Variants in KIF13A observed in about 807,000 individuals in gnomAD.
KIF13A encodes the protein kinesin family member 13A, also known as kinesin-like protein KIF13A.
KIF13A carries 79 observed loss-of-function variants against 212.2 expected under a neutral mutation model. That is an observed-to-expected ratio of 0.37 (90% CI 0.31 to 0.45). The LOEUF (loss-of-function observed/expected upper bound fraction) is 0.45. Ranked by LOEUF, KIF13A falls within the 20% of genes least tolerant of loss-of-function variation. KIF13A has a pLI of 1.00. For missense variants in KIF13A, 1,901 were observed against 2,209.0 expected, an observed-to-expected ratio of 0.86 and a Z score of 2.79; for synonymous variants, 789 against 808.6, an observed-to-expected ratio of 0.98 and a Z score of 0.41.
intron 34 of KIF13A, among the ~76,000 whole-genome samples, chr6:17,775,871 A>C (rs991329147): frequency 6.6e-6 from 1 of 151,796 alleles, no homozygotes. Flanking sequence ...AGATTACTTC[A>C]TAAGCAGTTT....
chr6:17,972,578 T>C (rs911748482), intron 2 of KIF13A, among the ~76,000 whole-genome samples: 7 of 152,330 alleles, frequency 4.6e-5, no homozygotes, highest in African/African-American at 9.6e-5. Context: ...TGTGGATTTA[T>C]TGAATGTGGC....
At chr6:17,923,059 C>T (rs1331739957) in intron 2 of KIF13A, among the ~76,000 whole-genome samples, 1 of 151,856 alleles carries the variant, frequency 6.6e-6, no homozygotes, top group Non-Finnish European at 1.5e-5. Context: ...ATCACTTGAG[C>T]TCAGAAGTTC....
chr6:17,792,935 C>T (rs557632203), intron 25 of KIF13A, among the ~76,000 whole-genome samples: 6 of 152,142 alleles, frequency 3.9e-5, no homozygotes, highest in Admixed American at 3.3e-4. Context: ...CTCCTCGGCA[C>T]GATAGGGAGA....
chr6:17,814,116 C>A (rs566610649), intron 17 of KIF13A, among the ~76,000 whole-genome samples: 1 of 151,932 alleles, frequency 6.6e-6, no homozygotes, highest in Admixed American at 6.6e-5. Flanking sequence ...CCACGCCCGG[C>A]TAATTTTTGT....
chr6:17,913,479 A>T (rs1774250599), intron 2 of KIF13A, among the ~76,000 whole-genome samples: 1 of 152,192 alleles, frequency 6.6e-6, no homozygotes, highest in Non-Finnish European at 1.5e-5. Flanking sequence ...CAAAAAGTGC[A>T]AAATGGAAGA....
intron 9 of KIF13A, among the ~76,000 whole-genome samples, chr6:17,847,311 T>C (rs922857372): frequency 4.7e-4 from 72 of 152,142 alleles, no homozygotes; most frequent in African/African-American, 1.6e-3. Context: ...CATTTTGGCA[T>C]GCAGGGCTGC....
rs949175452 is a variant in KIF13A at position 17,871,032 on chromosome 6, A to G, written c.220+2345T>C. Among the ~76,000 whole-genome samples the G allele has an allele frequency of 6.6e-6, 1 of 152,250 alleles. No homozygotes were observed. The highest frequency in any genetic ancestry group is 1.5e-5 in the Non-Finnish European group (1 of 68,046). The stretch of plus-strand genomic sequence containing the variant: ...AACCAAGGCAGAGGTCCTGAAATTC[A>G]AACACAGGTCTCACGTCAAAATCCA... On this transcript the variant is annotated intron_variant, in intron 4 of 38. Transcript: ENST00000259711. The surrounding 1 kb of genome is among the most constrained non-coding windows in gnomAD (Gnocchi z 4.4).
At chr6:17,954,598 C>T (rs1034808880) in intron 2 of KIF13A, among the ~76,000 whole-genome samples, 4 of 152,112 alleles carry the variant, frequency 2.6e-5, no homozygotes, top group African/African-American at 9.7e-5. Context: ...AATATTATAT[C>T]TTCCTTTATA....
At chr6:17,940,270 A>G (rs1298458579) in intron 2 of KIF13A, among the ~76,000 whole-genome samples, 1 of 151,974 alleles carries the variant, frequency 6.6e-6, no homozygotes, top group African/African-American at 2.4e-5. Context: ...ATGTATACGG[A>G]TGCTTCAGGA....
chr6:17,763,974 CGACA>C lies in KIF13A; in HGVS notation c.*132_*135del. ...TAGTTCCCAAAACAGACTTGCTCTC[CGACA>C]GAGACAGCTGTGCAGGAAGTGAGCC... On this transcript the variant is annotated 3_prime_UTR_variant, in exon 39 of 39. Coordinates refer to ENST00000259711, the MANE Select transcript of KIF13A (RefSeq NM_022113.6). 3 of 1,445,698 alleles carry C rather than the reference CGACA, an allele frequency of 2.1e-6. No homozygotes were observed. Among genetic ancestry groups the C allele is most frequent in the Non-Finnish European group, 2.7e-6 (3 of 1,099,964 alleles). The allele number at this position is 1,445,698 out of a possible 1,614,324, so 89.6% of individuals were successfully genotyped here.
At position 17,764,175 on chromosome 6, in the gene KIF13A, A is replaced by G. The variant is rs1481110315; in HGVS notation, c.5353T>C (p.Ser1785Pro). Residue 1785 changes from serine to proline, a missense_variant, in exon 39 of 39, where the codon TCC becomes CCC. Coordinates refer to ENST00000259711, the MANE Select transcript of KIF13A (RefSeq NM_022113.6). This position sits in a 1 kb window ranked among gnomAD's most constrained non-coding sequence, Gnocchi z 5.1. ...ATTACCTGGTCATTCTCTAACTTGG[A>G]ATGCAGCTGGCTGGGGTGGTGGAGC... Reference protein sequence around the residue: ...DGLHHPSQLHSKLENDQVIIP... With the variant: ...DGLHHPSQLHPKLENDQVIIP... 1.9e-6 allele frequency: 3 copies of G among 1,613,916 alleles called. No homozygotes were observed. The highest frequency in any genetic ancestry group is 2.7e-5 in the African/African-American group (2 of 74,936).
chr6:17,894,566 T>A (rs369326670), intron 3 of KIF13A, among the ~76,000 whole-genome samples: 203 of 152,288 alleles, frequency 1.3e-3, no homozygotes, highest in African/African-American at 4.6e-3. Flanking sequence ...AGAGTTCCTA[T>A]ATAGTCTCGC....
chr6:17,873,322 C>T (rs1770188881), intron 4 of KIF13A, 55 bp downstream of exon 4: 2 of 1,188,300 alleles, frequency 1.7e-6, no homozygotes, highest in Admixed American at 2.3e-5. Context: ...AAAATAAACT[C>T]AATGGAAGAA....
chr6:17,760,492 C>T (rs1758538425), downstream of KIF13A: 2 of 222,992 alleles, frequency 9.0e-6, no homozygotes, highest in East Asian at 2.0e-4. Flanking sequence ...CCAGATTCTA[C>T]AGTAAGAACT....
intron 3 of KIF13A, among the ~76,000 whole-genome samples, chr6:17,880,342 T>C (rs986669233): frequency 6.6e-6 from 1 of 152,022 alleles, no homozygotes; most frequent in African/African-American, 2.4e-5. Context: ...AGACTTCTAA[T>C]TGGGCCAGGC....
In KIF13A at chr6:17,778,845, C is replaced by T; in HGVS notation, c.4092+102G>A. On this transcript the variant is annotated intron_variant, in intron 33 of 38. Coordinates refer to ENST00000259711, the MANE Select transcript of KIF13A (RefSeq NM_022113.6). ...AATAGAGATGGCTCAAGTGCTCCTT[C>T]TCTGATAGATTTAGTGAGGTGTTTG... The T allele has an allele frequency of 2.9e-6, 4 of 1,357,566 alleles. No individual in the cohort carries two copies. The South Asian group carries it at 5.0e-5, about 17-fold the overall frequency. 84.1% of individuals were successfully genotyped at this position (1,357,566 alleles called of 1,614,324 possible).
In KIF13A at chr6:17,828,132, CATGTATCCTTAACTTTAAT is replaced by C; in HGVS notation, c.1532+89_1532+107del. 1 of 1,094,494 alleles carries C rather than the reference CATGTATCCTTAACTTTAAT, an allele frequency of 9.1e-7. No homozygotes were observed. The highest frequency in any genetic ancestry group is 2.7e-5 in the Admixed American group (1 of 36,492). The allele number at this position is 1,094,494 out of a possible 1,614,324, so 67.8% of individuals were successfully genotyped here. A position where few individuals can be genotyped will look rare whatever the true frequency, so the allele number is the denominator to read the frequency against. ...AAAGCAAGGGCCCCCTGAGGACCCCCATGTATCCTTAACTTTAATATAGCTGAAAGCAAACAGAAAGAGG... is the reference window on the plus strand; with the variant it reads ...AAAGCAAGGGCCCCCTGAGGACCCCCATAGCTGAAAGCAAACAGAAAGAGG... On this transcript the variant is annotated intron_variant, in intron 14 of 38. Coordinates refer to ENST00000259711, the MANE Select transcript of KIF13A (RefSeq NM_022113.6). This position sits in a 1 kb window ranked among gnomAD's most constrained non-coding sequence, Gnocchi z 4.3.
chr6:17,809,055 C>T lies in KIF13A; in HGVS notation c.2001-125G>A, dbSNP rs1344951331. 4.6e-6 allele frequency: 4 copies of T among 865,994 alleles called. No homozygotes were observed. Among genetic ancestry groups the T allele is most frequent in the African/African-American group, 1.7e-5 (1 of 58,196 alleles). The allele number at this position is 865,994 out of a possible 1,614,324, so 53.6% of individuals were successfully genotyped here. A position where few individuals can be genotyped will look rare whatever the true frequency, so the allele number is the denominator to read the frequency against. ...GGGCAGTATTTTTCAAACTATTTTA[C>T]CAGACTACCTCTCATCCTTCCCTCC... On this transcript the variant is annotated intron_variant, in intron 17 of 38. Coordinates refer to ENST00000259711, the MANE Select transcript of KIF13A (RefSeq NM_022113.6). This position sits in a 1 kb window ranked among gnomAD's most constrained non-coding sequence, Gnocchi z 4.7.
At chr6:17,924,427 G>A (rs1182993785) in intron 2 of KIF13A, among the ~76,000 whole-genome samples, 1 of 152,148 alleles carries the variant, frequency 6.6e-6, no homozygotes, top group Non-Finnish European at 1.5e-5. Context: ...GTATTAGTGT[G>A]TTTGATGTCC....
Sources: gnomAD v4.1 joint callset for allele counts (sites outside exome capture counted in the v4.1 genomes callset) on GRCh38, gnomAD v4.1.1 for gene constraint, Gnocchi (gnomAD v3.1) non-coding constraint, MANE v1.5 for transcripts, NCBI Gene and HGNC (gene_info 2026-07-23, HGNC 2026-07-21) for gene names.